Variants in E2F4 observed in about 807,000 individuals in gnomAD.
The protein encoded by E2F4 is E2F transcription factor 4.
A neutral mutation model predicts 44.5 loss-of-function variants in E2F4; 16 were observed. The ratio of observed to expected loss-of-function variants is 0.36; its 90% CI spans 0.24 to 0.55. The LOEUF is 0.55. Among genes scored for constraint, E2F4 ranks in the 20% least tolerant of loss-of-function variants. The probability of loss-of-function intolerance (pLI) is 0.87; values close to 1 mark genes in which losing one functional copy is unlikely to be tolerated. For synonymous variants in E2F4, 242 were observed against 207.2 expected (o/e 1.17, Z -1.44); for missense variants, 473 against 522.1 (o/e 0.91, Z 0.92).
rs368074030 is a variant in E2F4, at chr16:67,195,775, A to G, written c.809-7A>G. On this transcript the variant is annotated splice_polypyrimidine_tract_variant and splice_region_variant and intron_variant, in intron 6 of 9. Coordinates refer to ENST00000379378, the MANE Select transcript of E2F4 (RefSeq NM_001950.4). Reference sequence around the variant, plus strand: ...TGTATGACTGGGTTTGGGGGCTATCATTGTAGTGAGTGGCGGCCCTGGGAC... The same window carrying G: ...TGTATGACTGGGTTTGGGGGCTATCGTTGTAGTGAGTGGCGGCCCTGGGAC... 3.2e-5 allele frequency: 52 copies of G among 1,613,930 alleles called. No homozygotes were observed. The highest frequency in any genetic ancestry group is 4.0e-5 in the African/African-American group (3 of 74,878).
At chr16:67,195,611 C>G in intron 6 of E2F4, 171 bp from the exon 7 acceptor site, 1 of 1,387,194 alleles carries the variant, frequency 7.2e-7, no homozygotes, top group Non-Finnish European at 9.7e-7. Context: ...GTCCCTGTCT[C>G]CTGTGGTGAC....
At position 67,198,645 on chromosome 16, in the gene E2F4, T is replaced by G; in HGVS notation, c.*522T>G. The G allele has an allele frequency of 5.9e-6, 1 of 169,772 alleles. No individual in the cohort carries two copies. Among genetic ancestry groups the G allele is most frequent in the South Asian group, 1.5e-4 (1 of 6,702 alleles). 10.5% of individuals were successfully genotyped at this position (169,772 alleles called of 1,614,324 possible). A position where few individuals can be genotyped will look rare whatever the true frequency, so the allele number is the denominator to read the frequency against. The stretch of plus-strand genomic sequence containing the variant: ...GGCCTTTAGCCCTAGAACCTGCAGG[T>G]GGTGGGGGCGGCTACCAAGAAGGAA... On this transcript the variant is annotated 3_prime_UTR_variant, in exon 10 of 10. Transcript: ENST00000379378.
chr16:67,192,196 G>T lies in E2F4; in HGVS notation c.-32G>T, dbSNP rs972491636. 8.0e-5 allele frequency: 98 copies of T among 1,225,022 alleles called. No homozygotes were observed. The East Asian group carries it at 8.9e-4, about 11-fold the overall frequency. 75.9% of individuals were successfully genotyped at this position (1,225,022 alleles called of 1,614,324 possible). A position where few individuals can be genotyped will look rare whatever the true frequency, so the allele number is the denominator to read the frequency against. On this transcript the variant is annotated 5_prime_UTR_variant, in exon 1 of 10. Transcript: ENST00000379378. ...GTGGCGGCGGCGCCGGCCTGGCCTG[G>T]CCTGGCTGAGGGGAGGCGGCGGGCG...
At chr16:67,194,568 T>A in intron 5 of E2F4, 109 bp downstream of exon 5, 1 of 1,571,526 alleles carries the variant, frequency 6.4e-7, no homozygotes, top group South Asian at 1.1e-5. Flanking sequence ...TTTGGGGTTA[T>A]CTAGGAGGAT....
intron 2 of E2F4, 31 bp from the exon 3 acceptor site, chr16:67,192,978 A>G: frequency 1.3e-6 from 2 of 1,561,516 alleles, no homozygotes; most frequent in Non-Finnish European, 8.7e-7. Flanking sequence ...AGTTCTCAGC[A>G]GTCCCTCTCA....
chr16:67,195,100 C>A, intron 6 of E2F4, 120 bp downstream of exon 6: 1 of 1,260,084 alleles, frequency 7.9e-7, no homozygotes, highest in Non-Finnish European at 1.1e-6. Context: ...TCCTGACCAC[C>A]TAGCCTTCCC....
At chr16:67,193,916 C>CT (rs145573317) in intron 4 of E2F4, 278 of 249,464 alleles carry the variant, frequency 1.1e-3, no homozygotes, top group Middle Eastern at 3.9e-3. Flanking sequence ...GGATCTGTTC[C>CT]TTTTTTTTTC....
chr16:67,196,000 A>G lies in E2F4; in HGVS notation c.1027A>G (p.Thr343Ala), dbSNP rs1294352466. The change falls in exon 7 of 10, where the codon ACA becomes GCA. Residue 343 changes from threonine (T) to alanine (A), a missense_variant. By Grantham distance (58) the Thr-to-Ala change is moderately conservative. Coordinates refer to ENST00000379378, the MANE Select transcript of E2F4 (RefSeq NM_001950.4). Reference sequence around the variant, plus strand: ...CTTTGAGCCCATCAAGGCAGACCCCACAGGTGGTGAGTACCTGCCCCCTGG... The same window carrying G: ...CTTTGAGCCCATCAAGGCAGACCCCGCAGGTGGTGAGTACCTGCCCCCTGG... ...TSFEPIKADP[T>A]GVLELPKELS... 2 of 1,614,034 alleles carry G rather than the reference A, an allele frequency of 1.2e-6. No homozygotes were observed. The highest frequency in any genetic ancestry group is 4.5e-5 in the East Asian group (2 of 44,880).
At chr16:67,197,243 G>A (rs1316866664) in intron 7 of E2F4, among the ~76,000 whole-genome samples, 1 of 152,180 alleles carries the variant, frequency 6.6e-6, no homozygotes, top group Admixed American at 6.5e-5. Flanking sequence ...CTGACCCAGG[G>A]TCTGGTCTCA....
In E2F4 at chr16:67,192,344, C is replaced by A; in HGVS notation, c.117C>A (p.Gly39=). ...CCCTTCTGCAGGAGGCCAAGGACGGCGTGCTTGACCTCAAGCTGGTGCGGC... is the reference window on the plus strand; with the variant it reads ...CCCTTCTGCAGGAGGCCAAGGACGGAGTGCTTGACCTCAAGCTGGTGCGGC... ...FVSLLQEAKD[G]VLDLKLAADT... is the part of the protein sequence containing the mutation. Residue 39 remains glycine (G), a synonymous_variant, in exon 1 of 10, where the codon GGC becomes GGA. Transcript: ENST00000379378. 1 of 1,414,916 alleles carries A rather than the reference C, an allele frequency of 7.1e-7. No individual in the cohort carries two copies. Among genetic ancestry groups the A allele is most frequent in the Non-Finnish European group, 9.2e-7 (1 of 1,081,896 alleles). 87.6% of individuals were successfully genotyped at this position (1,414,916 alleles called of 1,614,324 possible). A position where few individuals can be genotyped will look rare whatever the true frequency, so the allele number is the denominator to read the frequency against.
chr16:67,193,008 G>T lies in E2F4; in HGVS notation c.246-1G>T. 1 of 1,569,430 alleles carries T rather than the reference G, an allele frequency of 6.4e-7. No homozygotes were observed. The highest frequency in any genetic ancestry group is 2.3e-5 in the East Asian group (1 of 42,602). On this transcript the variant is annotated splice_acceptor_variant, in intron 2 of 9. Transcript: ENST00000379378. LOFTEE classifies it high-confidence loss of function. ...CTCTCAGCCCCACTCCCTGGGCTCA[G>T]GGGTGTGGGGCCTGGCTGCAATACC...
chr16:67,192,419 A>AGCGGGAACCCCGGGG (rs2142211042), intron 1 of E2F4, 57 bp downstream of exon 1: 6 of 1,402,988 alleles, frequency 4.3e-6, no homozygotes, highest in Admixed American at 3.2e-5. Context: ...CTGGGCCGGT[A>AGCGGGAACCCCGGGG]GCGGGAACCC....
Position 67,198,149 on chromosome 16 carries a change from T to G in E2F4, c.*26T>G, listed in dbSNP as rs777908322. The stretch of plus-strand genomic sequence containing the variant: ...CTGACAGGGACATGCCCTGTGTGGC[T>G]GGGACCCAGACTGTCTGACCTGGGG... On this transcript the variant is annotated 3_prime_UTR_variant, in exon 10 of 10. Transcript: ENST00000379378. The G allele has an allele frequency of 1.5e-5, 24 of 1,604,704 alleles. No individual in the cohort carries two copies. The South Asian group carries it at 2.5e-4, about 17-fold the overall frequency.
rs1215062727 is a variant in E2F4, at chr16:67,197,995, G to A, written c.1127-13G>A. The stretch of plus-strand genomic sequence containing the variant: ...AGCCCTGGCCCAGGGCCTGAGACTA[G>A]TGCTCTCTGCAGTGTTTGCCCCTCT... On this transcript the variant is annotated splice_polypyrimidine_tract_variant and intron_variant, in intron 9 of 9. Transcript: ENST00000379378. 3 of 1,614,102 alleles carry A rather than the reference G, an allele frequency of 1.9e-6. No individual in the cohort carries two copies. Among genetic ancestry groups the A allele is most frequent in the Non-Finnish European group, 2.5e-6 (3 of 1,179,948 alleles).
At chr16:67,196,728 T>C (rs2032975531) in intron 7 of E2F4, among the ~76,000 whole-genome samples, 1 of 152,234 alleles carries the variant, frequency 6.6e-6, no homozygotes, top group Non-Finnish European at 1.5e-5. Context: ...TATTCCTGCA[T>C]GTCCTCAACT....
rs2033009265 is a variant in E2F4 at position 67,198,321 on chromosome 16, G to A, written c.*198G>A. On this transcript the variant is annotated 3_prime_UTR_variant, in exon 10 of 10. Transcript: ENST00000379378. ...CTGTGCTCGCAGAGCAGGGGAACAG[G>A]ACTCAGCCCCCATCACCGTGGAGCC... 1 of 589,612 alleles carries A rather than the reference G, an allele frequency of 1.7e-6. No individual in the cohort carries two copies. The highest frequency in any genetic ancestry group is 3.0e-6 in the Non-Finnish European group (1 of 330,088). The allele number at this position is 589,612 out of a possible 1,614,324, so 36.5% of individuals were successfully genotyped here.
intron 3 of E2F4, 129 bp from the exon 4 acceptor site, chr16:67,193,343 C>T (rs763695962): frequency 1.5e-5 from 22 of 1,489,332 alleles, no homozygotes; most frequent in Non-Finnish European, 1.8e-5. Flanking sequence ...ATCCCTCCCC[C>T]GGTGGACCTG....
Position 67,194,869 on chromosome 16 carries a change from C to G in E2F4, c.697C>G (p.Leu233Val), listed in dbSNP as rs1853266226. ...STPPPLPKPALAQSQEASRPN... is the reference protein window; with the variant it reads ...STPPPLPKPAVAQSQEASRPN... ...ACCTCCACCTCTGCCCAAGCCTGCC[C>G]TAGCCCAGTCCCAGGAAGCCTCACG... The change falls in exon 6 of 10, where the codon CTA (leucine) becomes GTA (valine). Residue 233 changes from leucine to valine, a missense_variant. Transcript: ENST00000379378. 1 of 1,614,074 alleles carries G rather than the reference C, an allele frequency of 6.2e-7. No individual in the cohort carries two copies. Among genetic ancestry groups the G allele is most frequent in the Non-Finnish European group, 8.5e-7 (1 of 1,180,042 alleles).
intron 7 of E2F4, among the ~76,000 whole-genome samples, chr16:67,196,898 A>G (rs1343900060): frequency 6.6e-6 from 1 of 152,028 alleles, no homozygotes; most frequent in East Asian, 1.9e-4. Context: ...TCTGTCCCAG[A>G]TGTCCCCTCC....
Sources: gnomAD v4.1 joint callset for allele counts (sites outside exome capture counted in the v4.1 genomes callset) on GRCh38, gnomAD v4.1.1 for gene constraint, MANE v1.5 for transcripts, NCBI Gene and HGNC (gene_info 2026-07-23, HGNC 2026-07-21) for gene names.